SGCZ: variants seen among roughly 807,000 people sequenced by gnomAD.
SGCZ encodes sarcoglycan zeta, also known as zeta-sarcoglycan.
A neutral mutation model predicts 41.3 loss-of-function variants in SGCZ; 40 were observed. That is an observed-to-expected ratio of 0.97 (90% CI 0.75 to 1.26). The LOEUF (loss-of-function observed/expected upper bound fraction) is 1.26. Ranked by LOEUF, SGCZ falls within the 50% of genes most tolerant of loss-of-function variation. SGCZ has a pLI of 0.00. For synonymous variants in SGCZ, 206 were observed against 137.5 expected (o/e 1.50, Z -3.49); for missense variants, 552 against 369.8 (o/e 1.49, Z -4.04).
intron 1 of SGCZ, among the ~76,000 whole-genome samples, chr8:14,990,318 G>T (rs1360370896): frequency 5.9e-5 from 9 of 152,248 alleles, no homozygotes; most frequent in Middle Eastern, 3.4e-3. Flanking sequence ...CTTGAGGCCA[G>T]GGTCCCTAAT....
intron 3 of SGCZ, among the ~76,000 whole-genome samples, chr8:14,255,775 T>C (rs1204078956): frequency 6.6e-6 from 1 of 152,072 alleles, no homozygotes; most frequent in South Asian, 2.1e-4. Flanking sequence ...AATATATTCA[T>C]ATAAATAAGT....
chr8:14,739,764 GA>G (rs1799145509), intron 1 of SGCZ, among the ~76,000 whole-genome samples: 1 of 152,088 alleles, frequency 6.6e-6, no homozygotes, highest in African/African-American at 2.4e-5. Flanking sequence ...AAGGAAAGGG[GA>G]AAGGACACTT....
intron 1 of SGCZ, among the ~76,000 whole-genome samples, chr8:15,086,957 G>A: frequency 6.6e-6 from 1 of 151,988 alleles, no homozygotes; most frequent in Admixed American, 6.6e-5. Flanking sequence ...TTGGTGAAAA[G>A]GAAATGATTA....
At chr8:15,129,778 C>G (rs542512346) in intron 1 of SGCZ, among the ~76,000 whole-genome samples, 1 of 149,346 alleles carries the variant, frequency 6.7e-6, no homozygotes, top group African/African-American at 2.5e-5. Context: ...AAATGGAACT[C>G]TCTTTGCAGG....
intron 1 of SGCZ, among the ~76,000 whole-genome samples, chr8:14,608,150 G>A (rs888599567): frequency 2.6e-5 from 4 of 151,886 alleles, no homozygotes; most frequent in African/African-American, 9.7e-5. Flanking sequence ...AGGCACTAAT[G>A]GACTGCTTTT....
chr8:14,977,022 C>G (rs1035341580), intron 1 of SGCZ, among the ~76,000 whole-genome samples: 5 of 152,206 alleles, frequency 3.3e-5, no homozygotes. Flanking sequence ...CATGGAGCAT[C>G]CTTGAGTCTA....
chr8:15,081,277 T>A (rs1342681052), intron 1 of SGCZ, among the ~76,000 whole-genome samples: 1 of 152,234 alleles, frequency 6.6e-6, no homozygotes. Flanking sequence ...AGTGTGATTT[T>A]CAAATGACAA....
At chr8:14,627,713 G>T (rs985485405) in intron 1 of SGCZ, among the ~76,000 whole-genome samples, 1 of 151,678 alleles carries the variant, frequency 6.6e-6, no homozygotes, top group South Asian at 2.1e-4. Context: ...CAGCTGATCT[G>T]TATAGGAAAA....
chr8:15,140,450 C>T (rs1396814656), intron 1 of SGCZ, among the ~76,000 whole-genome samples: 1 of 152,034 alleles, frequency 6.6e-6, no homozygotes, highest in Non-Finnish European at 1.5e-5. Context: ...AGTCAATATC[C>T]TCATTTATAG....
Position 14,984,241 on chromosome 8 carries a change from A to G in SGCZ, c.39+253344T>C, listed in dbSNP as rs544174428. ...TTTGAAGTAAATTCCAGACAGCAAA[A>G]CATTTCATCTGCAACCATTTCAGTA... On this transcript the variant is annotated intron_variant, in intron 1 of 7. Coordinates refer to ENST00000382080, the MANE Select transcript of SGCZ (RefSeq NM_139167.4). 4.6e-5 allele frequency among the ~76,000 whole-genome samples: 7 copies of G among 152,318 alleles called. No homozygotes were observed. In the East Asian group the frequency reaches 9.7e-4, roughly 21 times the overall value.
chr8:14,610,263 G>A (rs1805884350), intron 1 of SGCZ, among the ~76,000 whole-genome samples: 1 of 152,132 alleles, frequency 6.6e-6, no homozygotes, highest in Non-Finnish European at 1.5e-5. Flanking sequence ...AAGGGCATTT[G>A]AGTCTCCCCC....
intron 1 of SGCZ, among the ~76,000 whole-genome samples, chr8:14,946,007 T>C (rs1474449943): frequency 3.8e-4 from 2 of 5,290 alleles, no homozygotes. Context: ...AATGTCCCCA[T>C]ATATATATAT....
intron 4 of SGCZ, among the ~76,000 whole-genome samples, chr8:14,172,269 A>G (rs1026558811): frequency 5.3e-5 from 8 of 152,150 alleles, no homozygotes; most frequent in African/African-American, 1.7e-4. Flanking sequence ...TACAAATTCA[A>G]ATGATGAAGG....
Position 14,130,144 on chromosome 8 carries a change from G to T in SGCZ, c.548-21909C>A, listed in dbSNP as rs554537922. 2.6e-5 allele frequency among the ~76,000 whole-genome samples: 4 copies of T among 152,188 alleles called. No homozygotes were observed. In the East Asian group the frequency reaches 7.7e-4, roughly 29 times the overall value. On this transcript the variant is annotated intron_variant, in intron 5 of 7. Transcript: ENST00000382080. The stretch of plus-strand genomic sequence containing the variant: ...ATAAGGACAGACATGTAGGCCAATA[G>T]AATAAAATTGAAATTAAAAAGAAAC...
intron 1 of SGCZ, among the ~76,000 whole-genome samples, chr8:15,132,331 T>A (rs183637856): frequency 1.3e-5 from 2 of 152,314 alleles, no homozygotes; most frequent in East Asian, 3.9e-4. Flanking sequence ...CTGAGTCCAC[T>A]GTCTTCACAG....
chr8:14,247,581 C>G (rs1464607783), intron 3 of SGCZ, among the ~76,000 whole-genome samples: 2 of 152,202 alleles, frequency 1.3e-5, no homozygotes. Context: ...CCAAATAAAT[C>G]AGACACTGCT....
intron 2 of SGCZ, among the ~76,000 whole-genome samples, chr8:14,449,257 A>G (rs1585529236): frequency 6.6e-6 from 1 of 152,200 alleles, no homozygotes. Context: ...TTCTATTTCT[A>G]AACAAAACAT....
intron 1 of SGCZ, among the ~76,000 whole-genome samples, chr8:14,861,726 G>A (rs1803753371): frequency 6.6e-6 from 1 of 151,614 alleles, no homozygotes; most frequent in Non-Finnish European, 1.5e-5. Flanking sequence ...TTTTGCACTG[G>A]GACCCACAAA....
At chr8:14,278,390 A>G (rs1432941838) in intron 3 of SGCZ, among the ~76,000 whole-genome samples, 1 of 152,100 alleles carries the variant, frequency 6.6e-6, no homozygotes, top group East Asian at 1.9e-4. Context: ...CACAACATCC[A>G]TGTGTTCTGC....
Sources: gnomAD v4.1 joint callset for allele counts (sites outside exome capture counted in the v4.1 genomes callset) on GRCh38, gnomAD v4.1.1 for gene constraint, MANE v1.5 for transcripts, NCBI Gene and HGNC (gene_info 2026-07-23, HGNC 2026-07-21) for gene names.